CEP135: variants seen among roughly 807,000 people sequenced by gnomAD.
CEP135 encodes the protein centrosomal protein 135, also known as centrosomal protein of 135 kDa.
CEP135 carries 142 observed loss-of-function variants against 157.3 expected under a neutral mutation model. The observed-to-expected ratio is 0.90, with a 90% CI of 0.79 to 1.04. CEP135 has a LOEUF of 1.04. Ranked by LOEUF, CEP135 falls within the 50% of genes least tolerant of loss-of-function variation. CEP135 has a pLI of 0.00. For missense variants in CEP135, 1,317 were observed against 1,309.2 expected, an observed-to-expected ratio of 1.01 and a Z score of -0.09; for synonymous variants, 396 against 439.8, an observed-to-expected ratio of 0.90 and a Z score of 1.25.
Position 55,954,506 on chromosome 4 carries a change from A to G in CEP135, c.472+123A>G, listed in dbSNP as rs995400100. The G allele has an allele frequency of 1.6e-5, 12 of 731,376 alleles. No individual in the cohort carries two copies. In the Admixed American group the frequency reaches 2.0e-4, roughly 12 times the overall value. The allele number at this position is 731,376 out of a possible 1,614,324, so 45.3% of individuals were successfully genotyped here. On this transcript the variant is annotated intron_variant, in intron 4 of 25. Coordinates refer to ENST00000257287, the MANE Select transcript of CEP135 (RefSeq NM_025009.5). ...CTTAGACTTTAGTGTTTGAAAATAT[A>G]TATTGAATAGACCGTAAACTTCTTG...
intron 15 of CEP135, 28 bp from the exon 16 acceptor site, chr4:55,999,274 C>T (rs932181225): frequency 1.0e-5 from 15 of 1,476,134 alleles, no homozygotes; most frequent in Middle Eastern, 1.7e-4. Context: ...TAAAGAATAC[C>T]ATTTGTTTTT....
chr4:55,975,865 T>C (rs564387826), intron 11 of CEP135, among the ~76,000 whole-genome samples: 2 of 152,344 alleles, frequency 1.3e-5, no homozygotes, highest in East Asian at 1.9e-4. Context: ...TCAAACAGTT[T>C]TGTCTTCTGA....
At chr4:55,986,063 C>T (rs1369706946) in intron 14 of CEP135, among the ~76,000 whole-genome samples, 1 of 152,156 alleles carries the variant, frequency 6.6e-6, no homozygotes, top group African/African-American at 2.4e-5. Context: ...AGGCAAGTTG[C>T]TTGACCTTTC....
At chr4:56,002,170 A>G (rs1023942233) in intron 17 of CEP135, among the ~76,000 whole-genome samples, 9 of 152,222 alleles carry the variant, frequency 5.9e-5, no homozygotes, top group African/African-American at 2.2e-4. Flanking sequence ...TTCTAAATAC[A>G]AGATCATGTG....
At chr4:55,967,085 A>C in intron 8 of CEP135, among the ~76,000 whole-genome samples, 1 of 152,122 alleles carries the variant, frequency 6.6e-6, no homozygotes. Flanking sequence ...AAAAAGAATA[A>C]ATTTAAAAAG....
chr4:56,022,871 G>A (rs1266496916), intron 24 of CEP135, among the ~76,000 whole-genome samples: 1 of 152,124 alleles, frequency 6.6e-6, no homozygotes, highest in Non-Finnish European at 1.5e-5. Context: ...TGAGGCAGGA[G>A]GATCACTTGA....
rs1731420239 is a variant in CEP135 at position 56,033,137 on chromosome 4, G to T, written c.*1789G>T. On this transcript the variant is annotated 3_prime_UTR_variant, in exon 26 of 26. Transcript: ENST00000257287. ...ATTTGTCTCCACCTTTTCCCCAAAA[G>T]CAACAGCAAGACATATTTTGTTAGA... The T allele has an allele frequency of 6.6e-6, 1 of 151,902 alleles. No homozygotes were observed. The highest frequency in any genetic ancestry group is 2.4e-5 in the African/African-American group (1 of 41,386). 9.4% of individuals were successfully genotyped at this position (151,902 alleles called of 1,614,324 possible). A position where few individuals can be genotyped will look rare whatever the true frequency, so the allele number is the denominator to read the frequency against.
chr4:55,992,147 TTATAATC>T (rs1212989595), intron 15 of CEP135, 62 bp downstream of exon 15: 6 of 1,510,924 alleles, frequency 4.0e-6, no homozygotes, highest in Non-Finnish European at 5.4e-6. Flanking sequence ...TATGTAAAGT[TTATAATC>T]ATGGCATTTT....
At chr4:55,952,998 G>A (rs2109639075) in intron 2 of CEP135, 87 bp from the exon 3 acceptor site, 1 of 1,164,612 alleles carries the variant, frequency 8.6e-7, no homozygotes, top group Non-Finnish European at 1.2e-6. Flanking sequence ...GTGCATGACT[G>A]TATTTTAAGC....
chr4:55,969,380 T>A (rs995459949), intron 9 of CEP135, among the ~76,000 whole-genome samples: 13 of 147,198 alleles, frequency 8.8e-5, no homozygotes, highest in Admixed American at 8.3e-4. Context: ...TGAGCCGAGG[T>A]CACACCATTG....
At chr4:55,989,576 A>G (rs905479180) in intron 14 of CEP135, among the ~76,000 whole-genome samples, 2 of 152,226 alleles carry the variant, frequency 1.3e-5, no homozygotes, top group African/African-American at 2.4e-5. Flanking sequence ...CTACTTAACT[A>G]TAAATTGAAA....
intron 18 of CEP135, among the ~76,000 whole-genome samples, chr4:56,009,385 A>G (rs1010013500): frequency 5.3e-5 from 8 of 151,956 alleles, no homozygotes; most frequent in African/African-American, 1.9e-4. Context: ...GATGGTCTCT[A>G]TCTCCTGACC....
intron 12 of CEP135, 23 bp downstream of exon 12, chr4:55,980,318 G>A (rs949329648): frequency 7.0e-7 from 1 of 1,428,252 alleles, no homozygotes; most frequent in Non-Finnish European, 9.7e-7. Context: ...TTATAATTAA[G>A]CCAATAGATT....
intron 14 of CEP135, among the ~76,000 whole-genome samples, chr4:55,989,829 G>A (rs904343983): frequency 6.6e-6 from 1 of 152,194 alleles, no homozygotes; most frequent in Non-Finnish European, 1.5e-5. Context: ...GCTCCTAGGA[G>A]TGCAAACTTC....
intron 14 of CEP135, among the ~76,000 whole-genome samples, chr4:55,987,503 G>A (rs573546141): frequency 1.3e-5 from 2 of 152,176 alleles, no homozygotes; most frequent in South Asian, 2.1e-4. Flanking sequence ...TCACAGTTTG[G>A]AAATTCTCCA....
intron 25 of CEP135, among the ~76,000 whole-genome samples, chr4:56,029,473 T>C (rs1731265469): frequency 1.3e-5 from 2 of 152,148 alleles, no homozygotes; most frequent in South Asian, 4.1e-4. Flanking sequence ...ATTATCACTC[T>C]GGAGATTACA....
intron 13 of CEP135, among the ~76,000 whole-genome samples, chr4:55,983,296 A>G (rs1054794109): frequency 1.3e-5 from 2 of 152,230 alleles, no homozygotes; most frequent in African/African-American, 2.4e-5. Context: ...GAAAACTTGG[A>G]AAAAGCAACA....
chr4:56,017,319 A>G (rs755290633), intron 21 of CEP135, among the ~76,000 whole-genome samples: 21 of 152,138 alleles, frequency 1.4e-4, no homozygotes, highest in Non-Finnish European at 2.6e-4. Flanking sequence ...TATAACAAAG[A>G]TAATTTTTAA....
Position 55,952,196 on chromosome 4 carries a change from C to T in CEP135, c.66C>T (p.Arg22=), listed in dbSNP as rs1376022927. The stretch of plus-strand genomic sequence containing the variant: ...AAAGGCTGGATCAGCTGGGATACCG[C>T]CAGACTCTGACAGTGGAGTGTTTAC... ...IRKRLDQLGY[R]QTLTVECLPL... The change falls in exon 2 of 26, where the codon CGC becomes CGT. Residue 22 remains arginine (R), a synonymous_variant. Coordinates refer to ENST00000257287, the MANE Select transcript of CEP135 (RefSeq NM_025009.5). The T allele has an allele frequency of 1.2e-6, 2 of 1,613,190 alleles. No homozygotes were observed. Among genetic ancestry groups the T allele is most frequent in the Non-Finnish European group, 1.7e-6 (2 of 1,179,338 alleles).
Sources: gnomAD v4.1 joint callset for allele counts (sites outside exome capture counted in the v4.1 genomes callset) on GRCh38, gnomAD v4.1.1 for gene constraint, MANE v1.5 for transcripts, NCBI Gene and HGNC (gene_info 2026-07-23, HGNC 2026-07-21) for gene names.